Variants in FGF9 observed in about 807,000 individuals in gnomAD.
FGF9 encodes fibroblast growth factor 9 (glia-activating factor).
Under a neutral mutation model 19.9 loss-of-function variants are expected in FGF9, and 3 were observed. The observed-to-expected ratio is 0.15, with a 90% CI of 0.07 to 0.39. FGF9 has a LOEUF of 0.39. FGF9 is among the 10% of genes least tolerant of loss of function. FGF9 has a pLI of 1.00. For missense variants in FGF9, 175 were observed against 256.8 expected (o/e 0.68, Z 2.18); for synonymous variants, 107 against 106.9 (o/e 1.00, Z -0.01).
Position 21,671,810 on chromosome 13 carries a change from C to T in FGF9, c.-103C>T. 3 of 1,281,754 alleles carry T rather than the reference C, an allele frequency of 2.3e-6. No homozygotes were observed. Among genetic ancestry groups the T allele is most frequent in the Non-Finnish European group, 3.4e-6 (3 of 881,330 alleles). The allele number at this position is 1,281,754 out of a possible 1,614,324, so 79.4% of individuals were successfully genotyped here. On this transcript the variant is annotated 5_prime_UTR_variant, in exon 1 of 3. Transcript: ENST00000382353. ...AACCTTTTTTTTCTCTCTCTCTCTG[C>T]AACTGCAGTAAGGGAGGGGAGTTGG... is the stretch of plus-strand genomic sequence containing the variant.
intron 2 of FGF9, among the ~76,000 whole-genome samples, chr13:21,695,679 T>C (rs1409517614): frequency 6.6e-6 from 1 of 152,226 alleles, no homozygotes; most frequent in Non-Finnish European, 1.5e-5. Context: ...GCTAGATTAT[T>C]AATGAGGAAG....
intron 2 of FGF9, 56 bp downstream of exon 2, chr13:21,681,201 G>A: frequency 7.8e-7 from 1 of 1,281,512 alleles, no homozygotes; most frequent in South Asian, 1.2e-5. Context: ...TTGAACAGCT[G>A]TCTTTTCTCT....
intron 2 of FGF9, among the ~76,000 whole-genome samples, chr13:21,686,338 C>T (rs1872157424): frequency 6.6e-6 from 1 of 152,134 alleles, no homozygotes. Flanking sequence ...TTTCAAGATA[C>T]TTTAAAACAT....
intron 1 of FGF9, among the ~76,000 whole-genome samples, chr13:21,678,469 T>G (rs1303853888): frequency 6.6e-6 from 1 of 152,262 alleles, no homozygotes; most frequent in African/African-American, 2.4e-5. Context: ...GTTCTGGGGA[T>G]TAAATGAGAG....
In FGF9 at chr13:21,702,591, C is replaced by CA. The variant is rs1188482951; in HGVS notation, c.*1162dup. 3.3e-5 allele frequency: 5 copies of CA among 151,150 alleles called. No individual in the cohort carries two copies. The South Asian group carries it at 8.3e-4, about 25-fold the overall frequency. 9.4% of individuals were successfully genotyped at this position (151,150 alleles called of 1,614,324 possible). Reference sequence around the variant, plus strand: ...AAACATTGTATTGATTTAGAATTCTCAAAAAAGGAAAAAAAAGTACATAGC... The same window carrying CA: ...AAACATTGTATTGATTTAGAATTCTCAAAAAAAGGAAAAAAAAGTACATAGC... On this transcript the variant is annotated 3_prime_UTR_variant, in exon 3 of 3. Transcript: ENST00000382353.
At chr13:21,687,411 T>C (rs1872186460) in intron 2 of FGF9, among the ~76,000 whole-genome samples, 1 of 152,262 alleles carries the variant, frequency 6.6e-6, no homozygotes, top group Non-Finnish European at 1.5e-5. Flanking sequence ...TAACTAGATA[T>C]AAATTCCTTA....
chr13:21,681,422 C>A (rs1181391850), intron 2 of FGF9, among the ~76,000 whole-genome samples: 1 of 152,150 alleles, frequency 6.6e-6, no homozygotes, highest in Non-Finnish European at 1.5e-5. Flanking sequence ...AAAATCCCAT[C>A]TCTTTGTATT....
chr13:21,699,052 A>G (rs1055625215), intron 2 of FGF9, among the ~76,000 whole-genome samples: 9 of 152,222 alleles, frequency 5.9e-5, no homozygotes, highest in African/African-American at 2.2e-4. Context: ...TTAAACTTCT[A>G]TCCGTTTCAA....
chr13:21,675,050 G>T (rs1240605454), intron 1 of FGF9, among the ~76,000 whole-genome samples: 6 of 148,454 alleles, frequency 4.0e-5, no homozygotes, highest in Non-Finnish European at 9.0e-5. Context: ...GGGGGGAGGG[G>T]CTAGGGGTAG....
chr13:21,692,871 A>T (rs184264377), intron 2 of FGF9, among the ~76,000 whole-genome samples: 7 of 152,332 alleles, frequency 4.6e-5, no homozygotes, highest in Admixed American at 3.9e-4. Flanking sequence ...ATAAAGCCTT[A>T]TTTACCAAGA....
At chr13:21,683,757 C>T (rs990720099) in intron 2 of FGF9, among the ~76,000 whole-genome samples, 2 of 152,228 alleles carry the variant, frequency 1.3e-5, no homozygotes, top group Non-Finnish European at 2.9e-5. Context: ...CTTGCGGAAA[C>T]GTCTTCAGCT....
intron 2 of FGF9, among the ~76,000 whole-genome samples, chr13:21,688,237 T>A (rs1872205698): frequency 6.6e-6 from 1 of 152,248 alleles, no homozygotes; most frequent in South Asian, 2.1e-4. Flanking sequence ...CCGATTGCTT[T>A]GATGGGAGAC....
At chr13:21,692,123 A>C (rs765304829) in intron 2 of FGF9, among the ~76,000 whole-genome samples, 11 of 152,186 alleles carry the variant, frequency 7.2e-5, no homozygotes, top group Non-Finnish European at 1.6e-4. Context: ...CCCATGGTAC[A>C]TAGCGTGATT....
intron 2 of FGF9, 80 bp downstream of exon 2, chr13:21,681,225 C>A: frequency 9.4e-7 from 1 of 1,069,020 alleles, no homozygotes; most frequent in Non-Finnish European, 1.4e-6. Context: ...TTAAAAAGGG[C>A]CAGAAATGCA....
At chr13:21,687,725 C>T (rs1413912118) in intron 2 of FGF9, among the ~76,000 whole-genome samples, 2 of 152,160 alleles carry the variant, frequency 1.3e-5, no homozygotes, top group South Asian at 2.1e-4. Context: ...GACACACCAC[C>T]GATGTACTCA....
chr13:21,695,858 G>A (rs935317641), intron 2 of FGF9, among the ~76,000 whole-genome samples: 8 of 152,240 alleles, frequency 5.3e-5, no homozygotes, highest in African/African-American at 1.7e-4. Context: ...AAGCTGATGT[G>A]TTGTAGTAGT....
intron 2 of FGF9, 110 bp downstream of exon 2, chr13:21,681,255 C>A: frequency 3.7e-6 from 3 of 819,876 alleles, no homozygotes; most frequent in Non-Finnish European, 6.2e-6. Context: ...GTTTGGAAGG[C>A]GAGTGTAAGT....
At chr13:21,694,235 T>C (rs1872356051) in intron 2 of FGF9, among the ~76,000 whole-genome samples, 1 of 152,214 alleles carries the variant, frequency 6.6e-6, no homozygotes, top group Non-Finnish European at 1.5e-5. Context: ...GTGCATCTTT[T>C]AGTTTTCAAA....
At chr13:21,698,190 G>C (rs979819409) in intron 2 of FGF9, among the ~76,000 whole-genome samples, 3 of 152,160 alleles carry the variant, frequency 2.0e-5, no homozygotes, top group African/African-American at 7.2e-5. Flanking sequence ...GGCTGTGCTA[G>C]GGCTCCTGGA....
Sources: gnomAD v4.1 joint callset for allele counts (sites outside exome capture counted in the v4.1 genomes callset) on GRCh38, gnomAD v4.1.1 for gene constraint, MANE v1.5 for transcripts, NCBI Gene and HGNC (gene_info 2026-07-23, HGNC 2026-07-21) for gene names.